The following MTHFD1 variants were observed in gnomAD, a reference collection of about 807,000 sequenced individuals.
The protein encoded by MTHFD1 is C-1-tetrahydrofolate synthase, cytoplasmic.
A neutral mutation model predicts 110.3 loss-of-function variants in MTHFD1; 44 were observed. That is an observed-to-expected ratio of 0.40 (90% CI 0.31 to 0.51). MTHFD1 has a LOEUF of 0.51. MTHFD1 is among the 20% of genes least tolerant of loss of function. The probability of loss-of-function intolerance (pLI) is 0.60; values close to 1 mark genes in which losing one functional copy is unlikely to be tolerated. For synonymous variants in MTHFD1, 402 were observed against 428.8 expected (o/e 0.94, Z 0.77); for missense variants, 909 against 1,173.1 (o/e 0.77, Z 3.29).
chr14:64,448,475 C>A, intron 23 of MTHFD1, 158 bp downstream of exon 23: 2 of 678,926 alleles, frequency 2.9e-6, no homozygotes, highest in Non-Finnish European at 2.7e-6. Context: ...TACGTCACTG[C>A]GGGCTCACCA....
rs551690505 is a variant in MTHFD1, at chr14:64,459,626, A to G, written c.*5-133A>G. ...TCCATTTATGGACACGCCCTAGAAG[A>G]GCTGGTGGCAGGAAAGGATGTAAAT... is the stretch of plus-strand genomic sequence containing the variant. On this transcript the variant is annotated intron_variant, in intron 27 of 27. Transcript: ENST00000652337. 1.8e-5 allele frequency: 13 copies of G among 711,552 alleles called. No homozygotes were observed. In the African/African-American group the frequency reaches 2.0e-4, roughly 11 times the overall value. 44.1% of individuals were successfully genotyped at this position (711,552 alleles called of 1,614,324 possible). A position where few individuals can be genotyped will look rare whatever the true frequency, so the allele number is the denominator to read the frequency against.
intron 12 of MTHFD1, among the ~76,000 whole-genome samples, chr14:64,428,489 A>G (rs2078135053): frequency 6.6e-6 from 1 of 151,022 alleles, no homozygotes; most frequent in African/African-American, 2.4e-5. Flanking sequence ...TGGTGAGGGT[A>G]TCACATTTTG....
intron 16 of MTHFD1, among the ~76,000 whole-genome samples, chr14:64,437,479 C>G (rs2078215162): frequency 6.6e-6 from 1 of 152,198 alleles, no homozygotes; most frequent in African/African-American, 2.4e-5. Context: ...GGTAGTTTTT[C>G]TCTTCCACAA....
intron 1 of MTHFD1, among the ~76,000 whole-genome samples, chr14:64,396,030 A>G (rs186729922): frequency 5.3e-5 from 8 of 152,352 alleles, no homozygotes; most frequent in Admixed American, 5.2e-4. Flanking sequence ...ACTTTACATT[A>G]TAAACTTTCA....
chr14:64,449,542 A>C lies in MTHFD1; in HGVS notation c.2377A>C (p.Lys793Gln). The C allele has an allele frequency of 6.2e-7, 1 of 1,614,196 alleles. No homozygotes were observed. The highest frequency in any genetic ancestry group is 8.5e-7 in the Non-Finnish European group (1 of 1,180,010). Residue 793 changes from lysine (K) to glutamine (Q), a missense_variant, in exon 24 of 28, where the codon AAG (lysine) becomes CAG (glutamine). Transcript: ENST00000652337. ...GTGCACTCACTGGGCAGAAGGGGGCAAGGGTGCCTTAGCCCTGGCTCAGGC... is the reference window on the plus strand; with the variant it reads ...GTGCACTCACTGGGCAGAAGGGGGCCAGGGTGCCTTAGCCCTGGCTCAGGC... The part of the protein sequence containing the change: ...VKCTHWAEGG[K>Q]GALALAQAVQ...
chr14:64,435,678 G>C lies in MTHFD1; in HGVS notation c.1597+7G>C. ...ACCATAACTTGGCAAAGAGGTACCA[G>C]AGCAGTATACAAGCCCCGTTTGTTT... On this transcript the variant is annotated splice_region_variant and intron_variant, in intron 16 of 27. Transcript: ENST00000652337. 1 of 1,558,822 alleles carries C rather than the reference G, an allele frequency of 6.4e-7. No homozygotes were observed. Among genetic ancestry groups the C allele is most frequent in the South Asian group, 1.1e-5 (1 of 90,000 alleles).
intron 1 of MTHFD1, among the ~76,000 whole-genome samples, chr14:64,394,556 C>A (rs1457038141): frequency 4.1e-5 from 6 of 147,642 alleles, no homozygotes; most frequent in Non-Finnish European, 9.0e-5. Flanking sequence ...TTTTTTTTTT[C>A]TTTGCCCCTC....
chr14:64,402,142 T>A (rs2077902437), intron 2 of MTHFD1, among the ~76,000 whole-genome samples: 1 of 152,248 alleles, frequency 6.6e-6, no homozygotes, highest in South Asian at 2.1e-4. Context: ...TGATACTTTG[T>A]TACATCTTCT....
intron 9 of MTHFD1, 91 bp downstream of exon 9, chr14:64,425,022 C>G (rs910216078): frequency 1.4e-6 from 2 of 1,478,984 alleles, no homozygotes; most frequent in Non-Finnish European, 1.9e-6. Context: ...CAAAAACCTA[C>G]TCAGAAGTAA....
At chr14:64,399,234 T>G (rs961638032) in intron 1 of MTHFD1, among the ~76,000 whole-genome samples, 1 of 152,226 alleles carries the variant, frequency 6.6e-6, no homozygotes, top group African/African-American at 2.4e-5. Context: ...TGAAAAAAGA[T>G]GAGCATCAGC....
At chr14:64,431,478 G>A in intron 13 of MTHFD1, 54 bp from the exon 14 acceptor site, 1 of 1,461,050 alleles carries the variant, frequency 6.8e-7, no homozygotes, top group Non-Finnish European at 9.6e-7. Flanking sequence ...TAGAATGAAA[G>A]TTGGAAAGAT....
At chr14:64,389,135 G>C (rs1213617647) in intron 1 of MTHFD1, 1 of 152,290 alleles carries the variant, frequency 6.6e-6, no homozygotes, top group Non-Finnish European at 1.5e-5. Flanking sequence ...AGTGGGTATC[G>C]TTGCCAGCTT....
intron 1 of MTHFD1, among the ~76,000 whole-genome samples, chr14:64,393,443 C>T (rs956138729): frequency 2.0e-5 from 3 of 152,074 alleles, no homozygotes; most frequent in Non-Finnish European, 2.9e-5. Context: ...CTGTAATGAA[C>T]TCCAAAGTGC....
chr14:64,452,039 T>G (rs1248848333), intron 24 of MTHFD1, among the ~76,000 whole-genome samples: 1 of 152,226 alleles, frequency 6.6e-6, no homozygotes, highest in Non-Finnish European at 1.5e-5. Context: ...GTCACACCTG[T>G]AATCCCAGCA....
chr14:64,388,570 G>T, intron 1 of MTHFD1, 102 bp downstream of exon 1: 1 of 1,041,150 alleles, frequency 9.6e-7, no homozygotes. Flanking sequence ...CACTTGTAGC[G>T]GAAGAGTTAG....
chr14:64,406,338 CA>C (rs1486406654), intron 2 of MTHFD1, among the ~76,000 whole-genome samples: 1 of 151,840 alleles, frequency 6.6e-6, no homozygotes. Flanking sequence ...TGCTCCCGGC[CA>C]ATTTTATATA....
chr14:64,439,475 A>G (rs2078231736), intron 17 of MTHFD1: 2 of 440,066 alleles, frequency 4.5e-6, no homozygotes, highest in East Asian at 4.6e-5. Context: ...TTCACTGTAT[A>G]TCTCCTTGGT....
intron 12 of MTHFD1, among the ~76,000 whole-genome samples, chr14:64,429,929 T>C (rs1201021491): frequency 6.6e-6 from 1 of 152,214 alleles, no homozygotes; most frequent in African/African-American, 2.4e-5. Flanking sequence ...TTTTAACAAA[T>C]GCCAGTAATT....
Position 64,427,390 on chromosome 14 carries a change from T to A in MTHFD1, c.1181T>A (p.Val394Glu). 4 of 1,614,176 alleles carry A rather than the reference T, an allele frequency of 2.5e-6. No homozygotes were observed. Among genetic ancestry groups the A allele is most frequent in the Non-Finnish European group, 3.4e-6 (4 of 1,179,974 alleles). ...AAAAGCACAACTACAATCGGGCTAG[T>A]GCAAGCCCTTGGTGCCCATCTCTAC... ...EGKSTTTIGLVQALGAHLYQN... is the reference protein window; with the variant it reads ...EGKSTTTIGLEQALGAHLYQN... Residue 394 changes from valine (V) to glutamate (E), a missense_variant, in exon 12 of 28, where the codon GTG becomes GAG. This residue lies in a region of MTHFD1 where 424 missense variants were observed against 510.4 expected (regional missense o/e 0.83). Transcript: ENST00000652337.
Sources: gnomAD v4.1 joint callset for allele counts (sites outside exome capture counted in the v4.1 genomes callset) on GRCh38, gnomAD v4.1.1 for gene constraint, gnomAD v4.1.1 regional missense constraint, MANE v1.5 for transcripts, NCBI Gene and HGNC (gene_info 2026-07-23, HGNC 2026-07-21) for gene names.